EYA1: variants seen among roughly 807,000 people sequenced by gnomAD.
EYA1 encodes the protein EYA transcriptional coactivator and phosphatase 1.
EYA1 carries 16 observed loss-of-function variants against 82.0 expected under a neutral mutation model. The observed-to-expected ratio is 0.20, with a 90% CI of 0.13 to 0.30. The LOEUF is 0.30. Ranked by LOEUF, EYA1 falls within the 10% of genes least tolerant of loss-of-function variation. The probability of loss-of-function intolerance (pLI) is 1.00; values close to 1 mark genes in which losing one functional copy is unlikely to be tolerated. For missense variants in EYA1, 633 were observed against 730.7 expected, an observed-to-expected ratio of 0.87 and a Z score of 1.54; for synonymous variants, 261 against 264.4, an observed-to-expected ratio of 0.99 and a Z score of 0.12.
intron 2 of EYA1, among the ~76,000 whole-genome samples, chr8:71,508,386 A>T (rs566673759): frequency 2.0e-5 from 3 of 152,076 alleles, no homozygotes; most frequent in African/African-American, 7.2e-5. Context: ...AGATCCTCCC[A>T]CCTCAGCCCC....
At chr8:71,532,622 T>C (rs1814381446) in intron 2 of EYA1, among the ~76,000 whole-genome samples, 1 of 152,230 alleles carries the variant, frequency 6.6e-6, no homozygotes, top group Non-Finnish European at 1.5e-5. Context: ...GAAGTATTAT[T>C]TTGTCTTTAA....
chr8:71,266,968 C>T (rs1376542429), intron 11 of EYA1, among the ~76,000 whole-genome samples: 1 of 152,222 alleles, frequency 6.6e-6, no homozygotes, highest in Non-Finnish European at 1.5e-5. Context: ...CAGTTCTCTA[C>T]CTGCAATGTA....
upstream of EYA1, among the ~76,000 whole-genome samples, chr8:71,366,266 T>TA (rs562947648): frequency 5.3e-5 from 8 of 152,046 alleles, no homozygotes; most frequent in Non-Finnish European, 8.8e-5. Flanking sequence ...TGCAGGTGCT[T>TA]AAAAAAATGA....
intron 10 of EYA1, among the ~76,000 whole-genome samples, chr8:71,271,172 G>A (rs958631505): frequency 5.3e-5 from 8 of 152,178 alleles, no homozygotes; most frequent in Admixed American, 2.6e-4. Flanking sequence ...GATACTAGGT[G>A]TATATAATTA....
At chr8:71,416,376 C>A (rs924034714) in intron 2 of EYA1, among the ~76,000 whole-genome samples, 2 of 152,134 alleles carry the variant, frequency 1.3e-5, no homozygotes, top group South Asian at 4.1e-4. Context: ...TTATTCAATG[C>A]GTTGCAGTTG....
intron 2 of EYA1, among the ~76,000 whole-genome samples, chr8:71,455,081 C>T (rs1249710289): frequency 3.3e-5 from 5 of 152,092 alleles, no homozygotes; most frequent in Non-Finnish European, 7.4e-5. Context: ...GGGATATCAC[C>T]ACTGATCCAC....
rs61175547 is a variant in EYA1, at chr8:71,216,388, G to GGCTAATTCTTCGAAGGAT, written c.1360+286_1360+303dup. Among the ~76,000 whole-genome samples the GGCTAATTCTTCGAAGGAT allele has an allele frequency of 0.32, 47,736 of 151,332 alleles. 8,288 individuals are homozygous for GGCTAATTCTTCGAAGGAT. Among genetic ancestry groups the GGCTAATTCTTCGAAGGAT allele is most frequent in the East Asian group, 0.72 (3,642 of 5,054 alleles). ...CCCATCTTGTGATTTGGGCAGAGGT[G>GGCTAATTCTTCGAAGGAT]GCTAATTCTTCGAAGGATGCTAATC... On this transcript the variant is annotated intron_variant, in intron 14 of 17. Coordinates refer to ENST00000340726, the MANE Select transcript of EYA1 (RefSeq NM_000503.6).
chr8:71,208,921 A>C (rs1191715695), intron 17 of EYA1, among the ~76,000 whole-genome samples: 1 of 152,250 alleles, frequency 6.6e-6, no homozygotes, highest in African/African-American at 2.4e-5. Flanking sequence ...AAACCTTGAT[A>C]AGATCCAAAG....
intron 2 of EYA1, among the ~76,000 whole-genome samples, chr8:71,399,308 T>C (rs1030144414): frequency 1.3e-5 from 2 of 152,154 alleles, no homozygotes; most frequent in East Asian, 3.9e-4. Context: ...CCCAGTGAGA[T>C]GAATCCAGTA....
At chr8:71,487,779 C>T (rs902272714) in intron 2 of EYA1, among the ~76,000 whole-genome samples, 4 of 152,220 alleles carry the variant, frequency 2.6e-5, no homozygotes, top group South Asian at 2.1e-4. Flanking sequence ...TATGACTACA[C>T]GATCACCAGA....
chr8:71,408,505 T>TAGACA (rs1830403961), intron 2 of EYA1, among the ~76,000 whole-genome samples: 1 of 107,996 alleles, frequency 9.3e-6, no homozygotes, highest in Admixed American at 9.4e-5. Flanking sequence ...ACACATAGGC[T>TAGACA]CAAAATAAAA....
intron 12 of EYA1, among the ~76,000 whole-genome samples, chr8:71,241,822 T>C (rs1301168182): frequency 6.6e-6 from 1 of 151,990 alleles, no homozygotes; most frequent in African/African-American, 2.4e-5. Flanking sequence ...CATTTTTTTT[T>C]TTTTGCCAGA....
intron 4 of EYA1, among the ~76,000 whole-genome samples, chr8:71,324,311 A>G (rs1400119222): frequency 6.6e-6 from 1 of 152,234 alleles, no homozygotes; most frequent in Non-Finnish European, 1.5e-5. Context: ...ATGATGAAAG[A>G]CTTAGGAGGC....
intron 3 of EYA1, among the ~76,000 whole-genome samples, chr8:71,347,272 C>A (rs983442699): frequency 6.6e-6 from 1 of 152,136 alleles, no homozygotes; most frequent in East Asian, 1.9e-4. Flanking sequence ...GTCACTTAAA[C>A]CCTCTAAAAT....
At chr8:71,387,207 T>C (rs933150927) in intron 2 of EYA1, among the ~76,000 whole-genome samples, 1 of 152,032 alleles carries the variant, frequency 6.6e-6, no homozygotes, top group African/African-American at 2.4e-5. Context: ...GATGAATGAC[T>C]ACAGGTAAGG....
intron 1 of EYA1, among the ~76,000 whole-genome samples, chr8:71,540,724 A>C (rs1003236911): frequency 6.6e-6 from 1 of 152,226 alleles, no homozygotes; most frequent in African/African-American, 2.4e-5. Context: ...CCCATCAGAT[A>C]CTGGAAATAA....
intron 2 of EYA1, among the ~76,000 whole-genome samples, chr8:71,516,410 C>A (rs1217307545): frequency 6.6e-6 from 1 of 152,070 alleles, no homozygotes; most frequent in Non-Finnish European, 1.5e-5. Flanking sequence ...TTGGAGTTAC[C>A]AGGGTGAATT....
intron 2 of EYA1, among the ~76,000 whole-genome samples, chr8:71,443,779 C>T (rs1485311724): frequency 6.6e-6 from 1 of 152,186 alleles, no homozygotes; most frequent in Non-Finnish European, 1.5e-5. Context: ...CCCTTAAAGC[C>T]TCCAACTTCT....
intron 12 of EYA1, among the ~76,000 whole-genome samples, chr8:71,236,636 A>G (rs1811872017): frequency 6.6e-6 from 1 of 152,114 alleles, no homozygotes; most frequent in East Asian, 1.9e-4. Flanking sequence ...AGAATCTGCC[A>G]CTCTACAGTT....
Sources: gnomAD v4.1 joint callset for allele counts (sites outside exome capture counted in the v4.1 genomes callset) on GRCh38, gnomAD v4.1.1 for gene constraint, MANE v1.5 for transcripts, NCBI Gene and HGNC (gene_info 2026-07-23, HGNC 2026-07-21) for gene names.